Variants in PKHD1 observed in about 807,000 individuals in gnomAD.
The protein encoded by PKHD1 is fibrocystin.
PKHD1 carries 291 observed loss-of-function variants against 412.0 expected under a neutral mutation model. The ratio of observed to expected loss-of-function variants is 0.71; its 90% CI spans 0.64 to 0.78. The LOEUF (loss-of-function observed/expected upper bound fraction) is 0.78. PKHD1 is among the 30% of genes least tolerant of loss of function. The pLI is 0.00. For synonymous variants in PKHD1, 1,777 were observed against 1,821.5 expected, an observed-to-expected ratio of 0.98 and a Z score of 0.62; for missense variants, 4,825 against 4,950.7, an observed-to-expected ratio of 0.97 and a Z score of 0.76.
chr6:52,061,754 C>G (rs1808712150), intron 14 of PKHD1, among the ~76,000 whole-genome samples: 1 of 151,998 alleles, frequency 6.6e-6, no homozygotes, highest in Non-Finnish European at 1.5e-5. Context: ...GAAATTCACA[C>G]TCATGAGTCA....
intron 60 of PKHD1, among the ~76,000 whole-genome samples, chr6:51,683,409 T>C (rs967774961): frequency 1.3e-5 from 2 of 152,008 alleles, no homozygotes; most frequent in African/African-American, 4.8e-5. Flanking sequence ...GCTGGAACTA[T>C]AAGAACAAAT....
chr6:51,747,216 T>A (rs1180832237), intron 58 of PKHD1, among the ~76,000 whole-genome samples: 1 of 152,182 alleles, frequency 6.6e-6, no homozygotes, highest in Non-Finnish European at 1.5e-5. Flanking sequence ...GGGGAGAGAC[T>A]ACAATGGTGG....
At chr6:51,655,689 C>T (rs1771705819) in intron 61 of PKHD1, among the ~76,000 whole-genome samples, 1 of 152,110 alleles carries the variant, frequency 6.6e-6, no homozygotes, top group Admixed American at 6.6e-5. Flanking sequence ...TCCAGACAGG[C>T]TTGGCTGGGT....
chr6:51,809,749 T>C (rs1253552255), intron 52 of PKHD1, among the ~76,000 whole-genome samples: 1 of 152,058 alleles, frequency 6.6e-6, no homozygotes, highest in Non-Finnish European at 1.5e-5. Flanking sequence ...CCATCAAAAG[T>C]GGAATTTATT....
At chr6:51,782,038 T>C (rs996535899) in intron 53 of PKHD1, among the ~76,000 whole-genome samples, 1 of 99,318 alleles carries the variant, frequency 1.0e-5, no homozygotes, top group African/African-American at 3.1e-5. Flanking sequence ...ATTAAATAGT[T>C]TATAATAAAT....
chr6:52,028,849 A>G (rs1009592660), intron 29 of PKHD1, among the ~76,000 whole-genome samples: 4 of 152,210 alleles, frequency 2.6e-5, no homozygotes, highest in Admixed American at 6.5e-5. Flanking sequence ...CTGTAACCTC[A>G]ATAGTATAAA....
intron 36 of PKHD1, among the ~76,000 whole-genome samples, chr6:51,939,877 C>G (rs936525587): frequency 1.3e-5 from 2 of 151,626 alleles, no homozygotes; most frequent in African/African-American, 2.4e-5. Flanking sequence ...TCTGCTCCCC[C>G]ACCCTATAAT....
In PKHD1 at chr6:51,772,707, A is replaced by G. The variant is rs1187607203; in HGVS notation, c.8637T>C (p.Asn2879=). Residue 2879 remains asparagine (N), a synonymous_variant, in exon 55 of 67, where the codon AAT becomes AAC. Transcript: ENST00000371117. ...THLGADIASG[N]ERIIVEDAVD... is the part of the protein sequence containing the mutation. ...AAGTTACTCTCATTCCTTACCTCTC[A>G]TTTCCTGAGGCAATATCAGCTCCAA... is the stretch of plus-strand genomic sequence containing the variant. 1.3e-6 allele frequency: 2 copies of G among 1,552,592 alleles called. No individual in the cohort carries two copies. The highest frequency in any genetic ancestry group is 1.8e-6 in the Non-Finnish European group (2 of 1,125,710).
chr6:51,912,704 G>C, intron 37 of PKHD1, 128 bp from the exon 38 acceptor site: 1 of 738,092 alleles, frequency 1.4e-6, no homozygotes, highest in Non-Finnish European at 2.4e-6. Context: ...GGAAAAGCAA[G>C]CTTCAGGATA....
At position 51,709,802 on chromosome 6, in the gene PKHD1, A is replaced by T. The variant is rs183653207; in HGVS notation, c.10156+34583T>A. 3.0e-4 allele frequency among the ~76,000 whole-genome samples: 46 copies of T among 152,106 alleles called. 1 individual carries two copies. The East Asian group carries it at 8.5e-3, about 28-fold the overall frequency. ...CAATATAATTACATTTAATGAATAA[A>T]TACACAGTAAGTTTTTTTGTGTGTA... On this transcript the variant is annotated intron_variant, in intron 60 of 66. Transcript: ENST00000371117.
intron 35 of PKHD1, among the ~76,000 whole-genome samples, chr6:51,989,902 AGG>A (rs1796701651): frequency 4.6e-4 from 4 of 8,694 alleles, no homozygotes; most frequent in East Asian, 3.5e-3. Flanking sequence ...GGAAGGAGGG[AGG>A]AAGGAAGGAA....
intron 36 of PKHD1, among the ~76,000 whole-genome samples, chr6:51,937,360 C>T (rs374698615): frequency 4.6e-5 from 7 of 152,282 alleles, no homozygotes; most frequent in Non-Finnish European, 8.8e-5. Flanking sequence ...CATGTACTTA[C>T]GACCTCTTAA....
chr6:51,912,817 A>G (rs1480740891), intron 37 of PKHD1, among the ~76,000 whole-genome samples: 1 of 152,116 alleles, frequency 6.6e-6, no homozygotes, highest in Non-Finnish European at 1.5e-5. Context: ...CAGACTAGAG[A>G]ATAGCAACGT....
chr6:51,649,597 C>T (rs1770616422), intron 61 of PKHD1, among the ~76,000 whole-genome samples: 1 of 152,122 alleles, frequency 6.6e-6, no homozygotes, highest in Non-Finnish European at 1.5e-5. Flanking sequence ...CAATAGTAAG[C>T]TATTAAATCA....
Position 51,746,795 on chromosome 6 carries a change from T to C in PKHD1, c.9924A>G (p.Pro3308=), listed in dbSNP as rs1263149452. Residue 3308 remains proline, a synonymous_variant, in exon 59 of 67, where the codon CCA becomes CCG. Transcript: ENST00000371117. ...PNAENSGIMH[P]ITAERTRMLK... Reference sequence around the variant, plus strand: ...GCATCCTGGTCCTCTCTGCTGTTATTGGGTGCATAATTCCACTGTTCTCTG... The same window carrying C: ...GCATCCTGGTCCTCTCTGCTGTTATCGGGTGCATAATTCCACTGTTCTCTG... 3 of 1,611,202 alleles carry C rather than the reference T, an allele frequency of 1.9e-6. No homozygotes were observed. Among genetic ancestry groups the C allele is most frequent in the Non-Finnish European group, 2.5e-6 (3 of 1,177,594 alleles).
At position 52,062,531 on chromosome 6, in the gene PKHD1, C is replaced by A. The variant is rs267601072; in HGVS notation, c.1106G>T (p.Gly369Val). The A allele has an allele frequency of 6.2e-7, 1 of 1,614,000 alleles. No homozygotes were observed. Among genetic ancestry groups the A allele is most frequent in the East Asian group, 2.2e-5 (1 of 44,890 alleles). Residue 369 changes from glycine (G) to valine (V), a missense_variant, in exon 14 of 67, where the codon GGA becomes GTA. Transcript: ENST00000371117. ...TCCTACAACATACCTGAAAGGTTGT[C>A]CTTCCTGTGACCAAAACCCAAATGG... The part of the protein sequence containing the change: ...SSPFGFWSQE[G>V]QPFRARLSGF...
intron 61 of PKHD1, among the ~76,000 whole-genome samples, chr6:51,653,523 T>G (rs2244111): frequency 0.079 from 12,058 of 152,166 alleles, 556 homozygotes; most frequent in African/African-American, 0.12. Context: ...TGCCTTCAAC[T>G]TCACATTCTG....
At chr6:52,021,581 T>TA (rs1247968510) in intron 33 of PKHD1, among the ~76,000 whole-genome samples, 1 of 152,190 alleles carries the variant, frequency 6.6e-6, no homozygotes, top group African/African-American at 2.4e-5. Context: ...GCAGAGGAGG[T>TA]AGAGCAGTGA....
chr6:51,924,883 T>C (rs948435298), intron 37 of PKHD1, among the ~76,000 whole-genome samples: 7 of 152,252 alleles, frequency 4.6e-5, no homozygotes, highest in African/African-American at 1.7e-4. Context: ...AACTGACATT[T>C]ATTGAGTACT....
Sources: allele counts gnomAD v4.1 joint callset (sites outside exome capture counted in the v4.1 genomes callset), GRCh38; gene constraint gnomAD v4.1.1; transcripts MANE v1.5; gene names NCBI Gene and HGNC (gene_info 2026-07-23, HGNC 2026-07-21).